PDE3A: variants seen among roughly 807,000 people sequenced by gnomAD.
PDE3A encodes phosphodiesterase 3A.
In PDE3A, 43 loss-of-function variants were observed where a neutral mutation model predicts 98.3. That is an observed-to-expected ratio of 0.44 (90% CI 0.34 to 0.56). PDE3A has a LOEUF of 0.56. PDE3A is among the 20% of genes least tolerant of loss of function. The probability of loss-of-function intolerance (pLI) is 0.01; values close to 1 mark genes in which losing one functional copy is unlikely to be tolerated. For missense variants in PDE3A, 1,427 were observed against 1,440.7 expected (o/e 0.99, Z 0.15); for synonymous variants, 663 against 567.9 (o/e 1.17, Z -2.38).
intron 1 of PDE3A, among the ~76,000 whole-genome samples, chr12:20,499,513 T>G (rs956572984): frequency 6.6e-6 from 1 of 152,186 alleles, no homozygotes; most frequent in Non-Finnish European, 1.5e-5. Context: ...AAGGGTCAAC[T>G]GTTAGTATTC....
chr12:20,442,560 G>T (rs1321870899), intron 1 of PDE3A, among the ~76,000 whole-genome samples: 1 of 152,144 alleles, frequency 6.6e-6, no homozygotes, highest in Non-Finnish European at 1.5e-5. Flanking sequence ...AAGGAGACAG[G>T]GAAGCACCAT....
At position 20,552,430 on chromosome 12, in the gene PDE3A, C is replaced by T. The variant is rs1283603391; in HGVS notation, c.961-4230C>T. The T allele has an allele frequency of 3.3e-5, 54 of 1,612,712 alleles. No homozygotes were observed. The highest frequency in any genetic ancestry group is 4.6e-5 in the Non-Finnish European group (54 of 1,179,774). ...GGAGGGGAAGGACCGGATCAAGAAG[C>T]TGGGGCTGACCATGCAGTATCCAGA... On this transcript the variant is annotated intron_variant, in intron 1 of 15. Coordinates refer to ENST00000359062, the MANE Select transcript of PDE3A (RefSeq NM_000921.5). The surrounding 1 kb of genome is among the most constrained non-coding windows in gnomAD (Gnocchi z 5.1).
chr12:20,405,380 T>A (rs1179480435), intron 1 of PDE3A, among the ~76,000 whole-genome samples: 1 of 152,144 alleles, frequency 6.6e-6, no homozygotes, highest in African/African-American at 2.4e-5. Flanking sequence ...CTAAATTCTC[T>A]TCTGTGCTTA....
chr12:20,497,884 C>G (rs1945948758), intron 1 of PDE3A, among the ~76,000 whole-genome samples: 1 of 152,060 alleles, frequency 6.6e-6, no homozygotes, highest in African/African-American at 2.4e-5. Flanking sequence ...ACTTTATGTT[C>G]TGCTGCTGTG....
At chr12:20,542,436 TAC>T (rs57427303) in intron 1 of PDE3A, among the ~76,000 whole-genome samples, 9,169 of 149,802 alleles carry the variant, frequency 0.061, 332 homozygotes, top group African/African-American at 0.092. Flanking sequence ...CGTAACAGCA[TAC>T]ACACACACAC....
chr12:20,498,280 C>T (rs939208631), intron 1 of PDE3A, among the ~76,000 whole-genome samples: 3 of 151,992 alleles, frequency 2.0e-5, no homozygotes, highest in Non-Finnish European at 2.9e-5. Context: ...GCCCACCCCC[C>T]CAACTGAAGG....
chr12:20,457,082 AAAACAAAC>A (rs148910225), intron 1 of PDE3A, among the ~76,000 whole-genome samples: 47,937 of 151,662 alleles, frequency 0.32, 8,316 homozygotes, highest in Non-Finnish European at 0.39. Context: ...AAAACCACAT[AAAACAAAC>A]AAAACCTGAC....
intron 15 of PDE3A, among the ~76,000 whole-genome samples, chr12:20,664,262 AG>A: frequency 6.6e-6 from 1 of 152,176 alleles, no homozygotes; most frequent in Non-Finnish European, 1.5e-5. Context: ...CTAATACACC[AG>A]GGAAATTCAC....
chr12:20,376,867 G>A (rs750795325), intron 1 of PDE3A, among the ~76,000 whole-genome samples: 4 of 151,798 alleles, frequency 2.6e-5, no homozygotes, highest in South Asian at 4.1e-4. Context: ...TTTGAGAGAA[G>A]TCACAAACTA....
intron 1 of PDE3A, among the ~76,000 whole-genome samples, chr12:20,408,214 T>G (rs1944270106): frequency 6.6e-6 from 1 of 152,172 alleles, no homozygotes; most frequent in African/African-American, 2.4e-5. Context: ...CCACCATGCC[T>G]GGCCAATGTG....
Position 20,572,121 on chromosome 12 carries a change from T to G in PDE3A, c.1011+15411T>G, listed in dbSNP as rs983495401. ...ACTTTAAAGAACATCTCATTACTGA[T>G]TATACATGGTGACGATATTTTCCAA... On this transcript the variant is annotated intron_variant, in intron 2 of 15. Transcript: ENST00000359062. 8 of 1,278,628 alleles carry G rather than the reference T, an allele frequency of 6.3e-6. No individual in the cohort carries two copies. In the Admixed American group the frequency reaches 1.9e-4, roughly 30 times the overall value. The allele number at this position is 1,278,628 out of a possible 1,614,324, so 79.2% of individuals were successfully genotyped here. A position where few individuals can be genotyped will look rare whatever the true frequency, so the allele number is the denominator to read the frequency against.
chr12:20,595,973 GA>G (rs964877005), intron 2 of PDE3A, among the ~76,000 whole-genome samples: 4 of 151,872 alleles, frequency 2.6e-5, no homozygotes, highest in East Asian at 3.9e-4. Context: ...CTTATTTTCA[GA>G]AAAAAACATA....
rs547411187 is a variant in PDE3A, at chr12:20,595,223, C to T, written c.1012-18220C>T. ...TATAGTATTGGTCTCATCCTAATGC[C>T]GATTCTACTTGTGATCCAAAAATGG... On this transcript the variant is annotated intron_variant, in intron 2 of 15. Transcript: ENST00000359062. 2.0e-5 allele frequency among the ~76,000 whole-genome samples: 3 copies of T among 152,116 alleles called. No homozygotes were observed. The South Asian group carries it at 6.2e-4, about 32-fold the overall frequency.
At chr12:20,483,680 G>A (rs1483414559) in intron 1 of PDE3A, among the ~76,000 whole-genome samples, 3 of 152,076 alleles carry the variant, frequency 2.0e-5, no homozygotes, top group Non-Finnish European at 4.4e-5. Flanking sequence ...CTACTTTCTA[G>A]TTTAATTGTT....
intron 5 of PDE3A, among the ~76,000 whole-genome samples, chr12:20,628,854 T>C (rs1395256510): frequency 6.6e-6 from 1 of 152,234 alleles, no homozygotes; most frequent in Non-Finnish European, 1.5e-5. Flanking sequence ...ACCTTTGGTA[T>C]GACAACTCAA....
intron 1 of PDE3A, among the ~76,000 whole-genome samples, chr12:20,388,146 A>G (rs1170247801): frequency 1.3e-5 from 2 of 152,048 alleles, no homozygotes; most frequent in Non-Finnish European, 2.9e-5. Flanking sequence ...GGTTGGAGAC[A>G]TGGAAATTGC....
intron 1 of PDE3A, among the ~76,000 whole-genome samples, chr12:20,416,954 A>C (rs192884665): frequency 6.6e-6 from 1 of 152,288 alleles, no homozygotes; most frequent in Admixed American, 6.5e-5. Context: ...TTTTCTTATA[A>C]ATTTATCCTA....
intron 1 of PDE3A, among the ~76,000 whole-genome samples, chr12:20,532,366 C>T (rs1209324342): frequency 9.2e-6 from 1 of 109,090 alleles, no homozygotes; most frequent in African/African-American, 3.3e-5. Flanking sequence ...GTAATTTATG[C>T]AATTATTTTA....
chr12:20,615,016 C>T (rs200396975), intron 3 of PDE3A, among the ~76,000 whole-genome samples: 976 of 59,074 alleles, frequency 0.017, 11 homozygotes, highest in East Asian at 0.036. Context: ...TTCTCTCTTT[C>T]TTTTTTTTTT....
Sources: gnomAD v4.1 joint callset for allele counts (sites outside exome capture counted in the v4.1 genomes callset) on GRCh38, gnomAD v4.1.1 for gene constraint, Gnocchi (gnomAD v3.1) non-coding constraint, MANE v1.5 for transcripts, NCBI Gene and HGNC (gene_info 2026-07-23, HGNC 2026-07-21) for gene names.